CMTR1: variants seen among roughly 807,000 people sequenced by gnomAD.
CMTR1 encodes the protein cap-specific mRNA (nucleoside-2'-O-)-methyltransferase 1.
CMTR1 carries 39 observed loss-of-function variants against 107.0 expected under a neutral mutation model. The ratio of observed to expected loss-of-function variants is 0.36; its 90% CI spans 0.28 to 0.48. CMTR1 has a LOEUF of 0.48. CMTR1 is among the 20% of genes least tolerant of loss of function. The probability of loss-of-function intolerance (pLI) is 0.99; values close to 1 mark genes in which losing one functional copy is unlikely to be tolerated. For missense variants in CMTR1, 672 were observed against 1,064.9 expected (o/e 0.63, Z 5.14); for synonymous variants, 366 against 379.5 (o/e 0.96, Z 0.41).
intron 2 of CMTR1, among the ~76,000 whole-genome samples, chr6:37,437,213 G>T (rs560483273): frequency 1.3e-5 from 2 of 148,460 alleles, no homozygotes; most frequent in South Asian, 4.2e-4. Flanking sequence ...ATTTTTGGGG[G>T]ATTTTTTTTT....
At chr6:37,437,214 ATT>A (rs34814443) in intron 2 of CMTR1, among the ~76,000 whole-genome samples, 28 of 139,832 alleles carry the variant, frequency 2.0e-4, no homozygotes, top group African/African-American at 2.9e-4. Context: ...TTTTTGGGGG[ATT>A]TTTTTTTTTT....
At chr6:37,478,571 T>C in intron 22 of CMTR1, 50 bp downstream of exon 22, 5 of 1,467,320 alleles carry the variant, frequency 3.4e-6, no homozygotes, top group Non-Finnish European at 4.8e-6. Context: ...TCCCCTCTCC[T>C]CGCCAGGTGA....
intron 8 of CMTR1, among the ~76,000 whole-genome samples, chr6:37,456,696 G>C (rs185796781): frequency 2.4e-4 from 36 of 152,282 alleles, no homozygotes; most frequent in African/African-American, 8.7e-4. Context: ...TGGCTTGAGT[G>C]TTCATCATGG....
At chr6:37,424,663 T>C in the CMTR1 span, among the ~76,000 whole-genome samples, 1 of 152,158 alleles carries the variant, frequency 6.6e-6, no homozygotes, top group Non-Finnish European at 1.5e-5. Context: ...TACTGGGTTT[T>C]ACGCTAATAA....
chr6:37,448,210 C>CA (rs11397206), intron 4 of CMTR1, among the ~76,000 whole-genome samples: 20,385 of 91,046 alleles, frequency 0.22, 4,643 homozygotes, highest in African/African-American at 0.59. Flanking sequence ...GATTCCGTCT[C>CA]AAAAAAAAAA....
In CMTR1 at chr6:37,480,606, T is replaced by C. The variant is rs756598601; in HGVS notation, c.*461T>C. The C allele has an allele frequency of 4.7e-5, 49 of 1,032,938 alleles. No individual in the cohort carries two copies. The highest frequency in any genetic ancestry group is 5.6e-5 in the Non-Finnish European group (48 of 861,152). 64.0% of individuals were successfully genotyped at this position (1,032,938 alleles called of 1,614,324 possible). A position where few individuals can be genotyped will look rare whatever the true frequency, so the allele number is the denominator to read the frequency against. ...CTGAGTGGGTGGAGACCTGCTGTCA[T>C]GAGCTGGCCAGGAGAACCTGCTATA... is the stretch of plus-strand genomic sequence containing the variant. On this transcript the variant is annotated 3_prime_UTR_variant, in exon 24 of 24. Transcript: ENST00000373451.
At chr6:37,454,846 C>T (rs1023546540) in intron 8 of CMTR1, among the ~76,000 whole-genome samples, 8 of 152,112 alleles carry the variant, frequency 5.3e-5, no homozygotes, top group Non-Finnish European at 7.3e-5. Context: ...CCGTTTTCCC[C>T]TGAGGACCAG....
rs755540945 is a variant in CMTR1 at position 37,472,535 on chromosome 6, T to C, written c.1689+48T>C. 18 of 1,563,530 alleles carry C rather than the reference T, an allele frequency of 1.2e-5. No individual in the cohort carries two copies. In the East Asian group the frequency reaches 2.5e-4, roughly 21 times the overall value. ...ACATAAAAAGTTAGAGATCTGTCTC[T>C]AGATGTGGATGGTATCACTGAGGCC... On this transcript the variant is annotated intron_variant, in intron 16 of 23. Transcript: ENST00000373451. The surrounding 1 kb of genome is among the most constrained non-coding windows in gnomAD (Gnocchi z 4.1).
intron 13 of CMTR1, among the ~76,000 whole-genome samples, chr6:37,466,470 G>C (rs1436286665): frequency 6.6e-6 from 1 of 152,068 alleles, no homozygotes; most frequent in Non-Finnish European, 1.5e-5. Context: ...TTAGATCTTT[G>C]ATTCATTTTA....
rs971209120 is a variant in CMTR1, at chr6:37,472,388, A to C, written c.1621-31A>C. On this transcript the variant is annotated intron_variant, in intron 15 of 23. Coordinates refer to ENST00000373451, the MANE Select transcript of CMTR1 (RefSeq NM_015050.3). This position sits in a 1 kb window ranked among gnomAD's most constrained non-coding sequence, Gnocchi z 4.1. The stretch of plus-strand genomic sequence containing the variant: ...ACGGTCTTGGTCAAAAGGGCATTTG[A>C]AAGTCAAAGCTCTTTGCTGTCTTAT... The C allele has an allele frequency of 9.9e-6, 16 of 1,610,054 alleles. No individual in the cohort carries two copies. The African/African-American group carries it at 2.1e-4, about 22-fold the overall frequency.
At chr6:37,439,220 T>A (rs941247897) in intron 2 of CMTR1, among the ~76,000 whole-genome samples, 1 of 152,236 alleles carries the variant, frequency 6.6e-6, no homozygotes. Flanking sequence ...TTTTGAGTAT[T>A]TTCAAAGGAG....
chr6:37,446,851 G>A (rs145378249), intron 4 of CMTR1, among the ~76,000 whole-genome samples: 15 of 152,322 alleles, frequency 9.8e-5, no homozygotes, highest in African/African-American at 3.1e-4. Context: ...TGGAGTAGGT[G>A]CCTTCTAAGA....
chr6:37,441,420 C>T (rs899506142), intron 2 of CMTR1, among the ~76,000 whole-genome samples: 3 of 146,090 alleles, frequency 2.1e-5, no homozygotes, highest in Admixed American at 6.8e-5. Context: ...TTTTCTTTTT[C>T]TTTTTTTTTT....
intron 13 of CMTR1, among the ~76,000 whole-genome samples, chr6:37,469,949 T>TAA (rs1157364957): frequency 1.3e-5 from 2 of 152,068 alleles, no homozygotes; most frequent in Admixed American, 1.3e-4. Context: ...TTTCCTCTTT[T>TAA]ATGTTTCAGT....
intron 6 of CMTR1, among the ~76,000 whole-genome samples, chr6:37,452,644 G>A (rs1268602382): frequency 6.6e-6 from 1 of 152,172 alleles, no homozygotes; most frequent in African/African-American, 2.4e-5. Flanking sequence ...CCCTAGTCTT[G>A]TTTATTTGTT....
At chr6:37,477,074 C>T (rs1243149839) in intron 20 of CMTR1, among the ~76,000 whole-genome samples, 1 of 152,174 alleles carries the variant, frequency 6.6e-6, no homozygotes, top group Non-Finnish European at 1.5e-5. Context: ...GTTCAGGGCC[C>T]CCAAGAGCTG....
intron 2 of CMTR1, among the ~76,000 whole-genome samples, chr6:37,439,982 C>A (rs1382177709): frequency 6.6e-6 from 1 of 152,176 alleles, no homozygotes; most frequent in Non-Finnish European, 1.5e-5. Context: ...ATGTTTGTCC[C>A]ATTGCTGTAT....
In CMTR1 at chr6:37,458,653, T is replaced by C. The variant is rs35608753; in HGVS notation, c.819T>C (p.Phe273=). The C allele has an allele frequency of 2.6e-3, 4,212 of 1,613,980 alleles. 95 individuals are homozygous for C. In the African/African-American group the frequency reaches 0.049, roughly 19 times the overall value. The stretch of plus-strand genomic sequence containing the variant: ...ACCGGGAAGCTGAGCTTCTGTACTT[T>C]GCTGATGTCTGCGCAGGCCCAGGTG... ...VKDREAELLY[F]ADVCAGPGGF... Residue 273 remains phenylalanine, a synonymous_variant, in exon 9 of 24, where the codon TTT becomes TTC. Transcript: ENST00000373451. This position sits in a 1 kb window ranked among gnomAD's most constrained non-coding sequence, Gnocchi z 4.7.
At chr6:37,471,386 G>C (rs974581437) in intron 14 of CMTR1, among the ~76,000 whole-genome samples, 4 of 152,192 alleles carry the variant, frequency 2.6e-5, no homozygotes, top group Admixed American at 6.5e-5. Flanking sequence ...AGGGGACACA[G>C]AGTAAAGAGT....
Sources: allele counts gnomAD v4.1 joint callset (sites outside exome capture counted in the v4.1 genomes callset), GRCh38; gene constraint gnomAD v4.1.1; non-coding constraint Gnocchi (gnomAD v3.1); transcripts MANE v1.5; gene names NCBI Gene and HGNC (gene_info 2026-07-23, HGNC 2026-07-21).